SIMC1: variants seen among roughly 807,000 people sequenced by gnomAD.
The protein encoded by SIMC1 is SUMO interacting motifs containing 1.
Under a neutral mutation model 82.3 loss-of-function variants are expected in SIMC1, and 55 were observed. The observed-to-expected ratio is 0.67, with a 90% CI of 0.54 to 0.84. The LOEUF is 0.84. Ranked by LOEUF, SIMC1 falls within the 40% of genes least tolerant of loss-of-function variation. The pLI is 0.00. For missense variants in SIMC1, 915 were observed against 1,107.2 expected, an observed-to-expected ratio of 0.83 and a Z score of 2.46; for synonymous variants, 353 against 426.3, an observed-to-expected ratio of 0.83 and a Z score of 2.12.
At chr5:176,285,885 A>G (rs539452056) in intron 1 of SIMC1, among the ~76,000 whole-genome samples, 204 of 152,368 alleles carry the variant, frequency 1.3e-3, no homozygotes, top group African/African-American at 4.6e-3. Flanking sequence ...CCCATTCACA[A>G]TTGCTTCAAA....
chr5:176,246,032 A>G (rs1315446083), intron 1 of SIMC1, among the ~76,000 whole-genome samples: 1 of 143,206 alleles, frequency 7.0e-6, no homozygotes, highest in Non-Finnish European at 1.5e-5. Flanking sequence ...TTTTTTTGAG[A>G]CGAGTCTCGC....
At chr5:176,309,186 A>C (rs940931693) in intron 4 of SIMC1, among the ~76,000 whole-genome samples, 16 of 152,216 alleles carry the variant, frequency 1.1e-4, no homozygotes, top group Non-Finnish European at 2.4e-4. Flanking sequence ...ACATAGATCA[A>C]TGGAACAGAT....
At chr5:176,293,422 G>A (rs1482873395) in intron 2 of SIMC1, among the ~76,000 whole-genome samples, 2 of 150,216 alleles carry the variant, frequency 1.3e-5, no homozygotes, top group Admixed American at 6.6e-5. Flanking sequence ...GCGACACAGC[G>A]AGACCCCATC....
At chr5:176,313,954 G>A (rs1421451573) in intron 5 of SIMC1, 109 bp downstream of exon 5, 4 of 1,362,544 alleles carry the variant, frequency 2.9e-6, no homozygotes, top group Non-Finnish European at 2.0e-6. Flanking sequence ...AGTAGATAGT[G>A]TAATAGGGCT....
intron 1 of SIMC1, among the ~76,000 whole-genome samples, chr5:176,287,245 A>C (rs1366284638): frequency 6.6e-6 from 1 of 152,224 alleles, no homozygotes; most frequent in Non-Finnish European, 1.5e-5. Flanking sequence ...TCCATCAATG[A>C]TACACTGGAT....
chr5:176,326,463 G>A (rs770460890), intron 7 of SIMC1, among the ~76,000 whole-genome samples: 36 of 151,840 alleles, frequency 2.4e-4, no homozygotes, highest in Admixed American at 5.9e-4. Context: ...GAACTCCTGG[G>A]CTCAAGCAAT....
chr5:176,318,995 G>A (rs1052407185), intron 5 of SIMC1, among the ~76,000 whole-genome samples: 2 of 152,208 alleles, frequency 1.3e-5, no homozygotes, highest in Non-Finnish European at 2.9e-5. Flanking sequence ...TGTGGTCCCA[G>A]CTACTCGGAA....
intron 1 of SIMC1, among the ~76,000 whole-genome samples, chr5:176,277,820 G>T (rs1205353740): frequency 6.6e-6 from 1 of 151,604 alleles, no homozygotes; most frequent in Non-Finnish European, 1.5e-5. Context: ...CTCTGTTTTG[G>T]TACCAGTACC....
At chr5:176,280,532 G>A (rs1016286477) in intron 1 of SIMC1, among the ~76,000 whole-genome samples, 2 of 152,004 alleles carry the variant, frequency 1.3e-5, no homozygotes, top group African/African-American at 2.4e-5. Flanking sequence ...TCCTAGTCTC[G>A]ATGGTCTTTA....
At position 176,276,042 on chromosome 5, in the gene SIMC1, G is replaced by C. The variant is rs1395152191; in HGVS notation, c.130-13612G>C. 7.9e-5 allele frequency among the ~76,000 whole-genome samples: 12 copies of C among 151,552 alleles called. 1 individual carries two copies. The highest frequency in any genetic ancestry group is 1.8e-4 in the Non-Finnish European group (12 of 67,864). ...CTATTGATTGGAATAGTTTCAGAAG[G>C]AATGGTACCAGTTCCTCCTTGTACC... On this transcript the variant is annotated intron_variant, in intron 1 of 9. Coordinates refer to ENST00000429602, the MANE Select transcript of SIMC1 (RefSeq NM_001308195.2).
At chr5:176,286,849 A>T (rs1763310747) in intron 1 of SIMC1, among the ~76,000 whole-genome samples, 1 of 152,254 alleles carries the variant, frequency 6.6e-6, no homozygotes, top group African/African-American at 2.4e-5. Flanking sequence ...AAAAGAAGAC[A>T]TTTATGCAGC....
intron 1 of SIMC1, among the ~76,000 whole-genome samples, chr5:176,257,828 G>A (rs1239572398): frequency 6.6e-6 from 1 of 152,102 alleles, no homozygotes; most frequent in African/African-American, 2.4e-5. Context: ...TTTGTTGCAT[G>A]GGGTTGTCCT....
Position 176,319,109 on chromosome 5 carries a change from AG to A in SIMC1, c.1890-3159del, listed in dbSNP as rs569717549. ...GGGTGTCAGAGCAAGACCCTGTCTC[AG>A]GGGGAAAAAAAGAAGTCATAAGCTA... On this transcript the variant is annotated intron_variant, in intron 5 of 9. Transcript: ENST00000429602. Among the ~76,000 whole-genome samples the A allele has an allele frequency of 1.7e-3, 250 of 149,130 alleles. 2 individuals are homozygous for A. The highest frequency in any genetic ancestry group is 0.015 in the Admixed American group (195 of 13,206).
At chr5:176,268,813 C>T (rs1447520254) in intron 1 of SIMC1, among the ~76,000 whole-genome samples, 4 of 152,184 alleles carry the variant, frequency 2.6e-5, no homozygotes, top group African/African-American at 9.7e-5. Flanking sequence ...ACACTATTAA[C>T]TACCATGACC....
At chr5:176,294,467 C>T (rs1187085826) in intron 2 of SIMC1, among the ~76,000 whole-genome samples, 3 of 151,902 alleles carry the variant, frequency 2.0e-5, no homozygotes, top group Admixed American at 6.6e-5. Context: ...TTAGTAGAGA[C>T]GGGGTTTCAC....
chr5:176,303,476 C>G (rs10057206), intron 4 of SIMC1, among the ~76,000 whole-genome samples: 12,188 of 152,098 alleles, frequency 0.08, 535 homozygotes, highest in Middle Eastern at 0.12. Flanking sequence ...CATGCGCCAC[C>G]ATGCCCGGCT....
intron 1 of SIMC1, among the ~76,000 whole-genome samples, chr5:176,275,325 A>G (rs1762638859): frequency 6.6e-6 from 1 of 151,912 alleles, no homozygotes; most frequent in South Asian, 2.1e-4. Context: ...TTGATTTTGT[A>G]TCCTGAGACT....
chr5:176,320,066 G>A (rs1004396531), intron 5 of SIMC1, among the ~76,000 whole-genome samples: 3 of 152,180 alleles, frequency 2.0e-5, no homozygotes, highest in African/African-American at 7.2e-5. Context: ...TTACAGAGAG[G>A]ACATCCAACC....
chr5:176,267,733 GTTTTTTTTTTTTTTTT>G (rs1159766316), intron 1 of SIMC1, among the ~76,000 whole-genome samples: 40 of 27,224 alleles, frequency 1.5e-3, no homozygotes, highest in Non-Finnish European at 1.8e-3. Flanking sequence ...TTTTCTTTCT[GTTTTTTTTTTTTTTTT>G]TTTTTTTTTT....
Sources: allele counts gnomAD v4.1 joint callset (sites outside exome capture counted in the v4.1 genomes callset), GRCh38; gene constraint gnomAD v4.1.1; transcripts MANE v1.5; gene names NCBI Gene and HGNC (gene_info 2026-07-23, HGNC 2026-07-21).